Variants in CEP350 observed in about 807,000 individuals in gnomAD.
CEP350 encodes the protein centrosomal protein 350, also known as centrosome-associated protein 350.
A neutral mutation model predicts 331.8 loss-of-function variants in CEP350; 126 were observed. That is an observed-to-expected ratio of 0.38 (90% CI 0.33 to 0.44). CEP350 has a LOEUF of 0.44. Ranked by LOEUF, CEP350 falls within the 20% of genes least tolerant of loss-of-function variation. The pLI, the probability that CEP350 is intolerant of heterozygous loss-of-function variation, is 1.00. For missense variants in CEP350, 3,406 were observed against 3,634.6 expected, an observed-to-expected ratio of 0.94 and a Z score of 1.62; for synonymous variants, 1,200 against 1,259.5, an observed-to-expected ratio of 0.95 and a Z score of 1.00.
intron 27 of CEP350, among the ~76,000 whole-genome samples, chr1:180,072,741 C>T (rs1175492584): frequency 6.6e-6 from 1 of 152,118 alleles, no homozygotes; most frequent in Admixed American, 6.5e-5. Flanking sequence ...TCTAAAAATA[C>T]ACATAGGCAA....
At chr1:180,094,680 C>T (rs983340689) in intron 34 of CEP350, 64 bp downstream of exon 34, 2 of 1,504,442 alleles carry the variant, frequency 1.3e-6, no homozygotes, top group African/African-American at 1.4e-5. Context: ...GGCAACTTAC[C>T]TTGCCTATAT....
chr1:180,092,865 A>G lies in CEP350; in HGVS notation c.6760A>G (p.Lys2254Glu), dbSNP rs759595657. The change falls in exon 34 of 38, where the codon AAA becomes GAA. Residue 2254 changes from lysine to glutamate, a missense_variant. Physicochemically the swap from Lys to Glu is moderately conservative, Grantham distance 56. Transcript: ENST00000367607. ...AGATGGCAAGGTTGGAGAATCTAGT[A>G]AAAAATCAGAAATAAAAGAAATAGA... ...MSDGKVGESS[K>E]KSEIKEIEYT... 26 of 1,566,500 alleles carry G rather than the reference A, an allele frequency of 1.7e-5. No individual in the cohort carries two copies. The highest frequency in any genetic ancestry group is 2.2e-5 in the Non-Finnish European group (25 of 1,154,458).
At chr1:179,994,579 G>A (rs748127314) in intron 5 of CEP350, among the ~76,000 whole-genome samples, 10 of 150,418 alleles carry the variant, frequency 6.6e-5, no homozygotes, top group Non-Finnish European at 1.3e-4. Context: ...TCAGCTTCCC[G>A]AGTAGCTGGG....
intron 9 of CEP350, among the ~76,000 whole-genome samples, chr1:180,012,620 T>C (rs950148373): frequency 6.6e-6 from 1 of 152,212 alleles, no homozygotes; most frequent in African/African-American, 2.4e-5. Context: ...ACTTTTTTCA[T>C]GAACAGTAAT....
At chr1:180,056,084 T>C (rs920059871) in intron 25 of CEP350, among the ~76,000 whole-genome samples, 4 of 152,188 alleles carry the variant, frequency 2.6e-5, no homozygotes, top group African/African-American at 9.6e-5. Flanking sequence ...TTTTGATACA[T>C]CTGGTATTTT....
At chr1:179,959,779 T>A (rs889210374) in intron 1 of CEP350, among the ~76,000 whole-genome samples, 1 of 152,100 alleles carries the variant, frequency 6.6e-6, no homozygotes, top group African/African-American at 2.4e-5. Flanking sequence ...ACAAAAAAAC[T>A]TTTGTTGGCA....
At chr1:180,099,021 CA>C in intron 37 of CEP350, 36 bp downstream of exon 37, 1 of 1,585,018 alleles carries the variant, frequency 6.3e-7, no homozygotes, top group Non-Finnish European at 8.6e-7. Flanking sequence ...TTATTTTGAC[CA>C]TATCTTTTAA....
chr1:180,072,649 C>T (rs531633148), intron 27 of CEP350, among the ~76,000 whole-genome samples: 13 of 151,982 alleles, frequency 8.6e-5, no homozygotes, highest in African/African-American at 2.7e-4. Flanking sequence ...TGTGTTTTTG[C>T]GTGTGTGTAT....
intron 30 of CEP350, 123 bp downstream of exon 30, chr1:180,080,784 G>A (rs1358913658): frequency 1.3e-6 from 1 of 792,174 alleles, no homozygotes; most frequent in African/African-American, 1.7e-5. Flanking sequence ...AGTTTATGTA[G>A]GATTGTGAAG....
intron 5 of CEP350, among the ~76,000 whole-genome samples, chr1:179,994,778 C>A (rs1653354492): frequency 6.6e-6 from 1 of 152,004 alleles, no homozygotes; most frequent in South Asian, 2.1e-4. Context: ...AATAATCAAC[C>A]ACTCAGAACA....
rs750822273 is a variant in CEP350, at chr1:180,087,611, G to A, written c.6319G>A (p.Glu2107Lys). ...TGAATTTATTAAGAAAACTGAAGCCGAGCTTAGCCAAGATTTGGAAACATC... is the reference window on the plus strand; with the variant it reads ...TGAATTTATTAAGAAAACTGAAGCCAAGCTTAGCCAAGATTTGGAAACATC... ...YDEFIKKTEA[E>K]LSQDLETSPT... The change falls in exon 32 of 38, where the codon GAG (glutamate) becomes AAG (lysine). Residue 2107 changes from glutamate to lysine, a missense_variant. By Grantham distance (56) the Glu-to-Lys change is moderately conservative. Transcript: ENST00000367607. The A allele has an allele frequency of 2.6e-6, 4 of 1,546,618 alleles. No individual in the cohort carries two copies. In the Admixed American group the frequency reaches 5.9e-5, roughly 23 times the overall value.
rs775950591 is a variant in CEP350 at position 180,112,855 on chromosome 1, C to T, written c.*1694C>T. On this transcript the variant is annotated 3_prime_UTR_variant, in exon 38 of 38. Coordinates refer to ENST00000367607, the MANE Select transcript of CEP350 (RefSeq NM_014810.5). ...CCATTCCTCTTGGGTTTCATCTTGT[C>T]GTTTAAGAAATGTACTGAAATAATC... The T allele has an allele frequency of 5.2e-5, 8 of 152,554 alleles. No homozygotes were observed. The highest frequency in any genetic ancestry group is 9.7e-5 in the African/African-American group (4 of 41,436). The allele number at this position is 152,554 out of a possible 1,614,324, so 9.5% of individuals were successfully genotyped here.
At chr1:180,021,088 T>A in intron 12 of CEP350, 79 bp downstream of exon 12, 1 of 1,253,984 alleles carries the variant, frequency 8.0e-7, no homozygotes, top group Non-Finnish European at 1.0e-6. Flanking sequence ...GATATGTACT[T>A]TAGTACACAT....
Position 179,954,960 on chromosome 1 carries a change from T to G in CEP350, c.-196T>G. 8.8e-7 allele frequency: 1 copy of G among 1,135,212 alleles called. No homozygotes were observed. Among genetic ancestry groups the G allele is most frequent in the Non-Finnish European group, 1.1e-6 (1 of 870,736 alleles). 70.3% of individuals were successfully genotyped at this position (1,135,212 alleles called of 1,614,324 possible). On this transcript the variant is annotated 5_prime_UTR_variant, in exon 1 of 38. Coordinates refer to ENST00000367607, the MANE Select transcript of CEP350 (RefSeq NM_014810.5). ...GGGAGGGGAGGCAGCCTTTCCGCCT[T>G]GTCTTCCTTCCCAGCGGACCGGCGG... is the stretch of plus-strand genomic sequence containing the variant.
chr1:179,997,946 A>G (rs1653579196), intron 6 of CEP350, among the ~76,000 whole-genome samples: 1 of 152,062 alleles, frequency 6.6e-6, no homozygotes, highest in South Asian at 2.1e-4. Flanking sequence ...ATTTAAGAAA[A>G]CAATATTTAA....
chr1:179,975,260 AT>A (rs757077493), intron 1 of CEP350, among the ~76,000 whole-genome samples: 2 of 152,198 alleles, frequency 1.3e-5, no homozygotes, highest in African/African-American at 2.4e-5. Context: ...TTAAAAAAAA[AT>A]AAAAAGATGA....
intron 15 of CEP350, 142 bp from the exon 16 acceptor site, chr1:180,033,720 T>C (rs1656174279): frequency 1.3e-6 from 1 of 782,876 alleles, no homozygotes; most frequent in Non-Finnish European, 2.0e-6. Context: ...GCATAGTGAT[T>C]ATATTAATGA....
intron 1 of CEP350, among the ~76,000 whole-genome samples, chr1:179,980,621 G>C (rs1384950381): frequency 1.3e-5 from 2 of 152,030 alleles, no homozygotes; most frequent in African/African-American, 4.8e-5. Flanking sequence ...TCTTGTTTCA[G>C]ATCTTAGAGG....
Position 180,023,052 on chromosome 1 carries a change from A to AT in CEP350, c.3386+207dup, listed in dbSNP as rs568803909. On this transcript the variant is annotated intron_variant, in intron 13 of 37. Transcript: ENST00000367607. The stretch of plus-strand genomic sequence containing the variant: ...GCTCTCCTGGTTATTGGTTGTTTGT[A>AT]TTTATACATATTACTTAGCCTTCCT... 7.4e-3 allele frequency among the ~76,000 whole-genome samples: 1,126 copies of AT among 152,200 alleles called. 6 individuals carry two copies. The highest frequency in any genetic ancestry group is 0.012 in the Non-Finnish European group (805 of 67,994).
Sources: allele counts gnomAD v4.1 joint callset (sites outside exome capture counted in the v4.1 genomes callset), GRCh38; gene constraint gnomAD v4.1.1; transcripts MANE v1.5; gene names NCBI Gene and HGNC (gene_info 2026-07-23, HGNC 2026-07-21).